Variants in UBQLN1 observed in about 807,000 individuals in gnomAD.
UBQLN1 encodes the protein ubiquilin-1.
UBQLN1 carries 13 observed loss-of-function variants against 65.4 expected under a neutral mutation model. That is an observed-to-expected ratio of 0.20 (90% CI 0.13 to 0.32). The LOEUF (loss-of-function observed/expected upper bound fraction) is 0.32. UBQLN1 is among the 10% of genes least tolerant of loss of function. The pLI, the probability that UBQLN1 is intolerant of heterozygous loss-of-function variation, is 1.00. For synonymous variants in UBQLN1, 267 were observed against 247.8 expected (o/e 1.08, Z -0.73); for missense variants, 561 against 724.0 (o/e 0.77, Z 2.58).
intron 10 of UBQLN1, among the ~76,000 whole-genome samples, chr9:83,662,832 G>T (rs1468289247): frequency 2.0e-5 from 3 of 152,212 alleles, no homozygotes; most frequent in East Asian, 1.9e-4. Context: ...CCAGCACTTT[G>T]GGAGGCCAAG....
intron 1 of UBQLN1, among the ~76,000 whole-genome samples, chr9:83,698,720 C>T (rs1832262333): frequency 6.6e-6 from 1 of 152,038 alleles, no homozygotes; most frequent in East Asian, 1.9e-4. Flanking sequence ...TTGAGACCAA[C>T]CTGGGCAACA....
chr9:83,701,620 G>C (rs1299603903), intron 1 of UBQLN1, among the ~76,000 whole-genome samples: 2 of 152,086 alleles, frequency 1.3e-5, no homozygotes, highest in African/African-American at 4.8e-5. Flanking sequence ...ATCACAGTAA[G>C]ATACCATTTC....
chr9:83,666,517 T>G (rs983223479), intron 7 of UBQLN1, 84 bp from the exon 8 acceptor site: 1 of 1,348,418 alleles, frequency 7.4e-7, no homozygotes, highest in African/African-American at 1.4e-5. Flanking sequence ...TTCCCCCAAG[T>G]GCCTCAGCTG....
rs558922870 is a variant in UBQLN1, at chr9:83,668,911, G to A, written c.1248+274C>T. Reference sequence around the variant, plus strand: ...AAAAGAGTGGGCATTCCAGAACTCTGTACTTGTCTCCTAACTCAACATATG... The same window carrying A: ...AAAAGAGTGGGCATTCCAGAACTCTATACTTGTCTCCTAACTCAACATATG... On this transcript the variant is annotated intron_variant, in intron 7 of 10. Transcript: ENST00000376395. The A allele has an allele frequency of 3.4e-5, 12 of 348,408 alleles. No individual in the cohort carries two copies. The East Asian group carries it at 7.7e-4, about 22-fold the overall frequency. 21.6% of individuals were successfully genotyped at this position (348,408 alleles called of 1,614,324 possible).
Position 83,669,417 on chromosome 9 carries a change from T to G in UBQLN1, c.1106-90A>C, listed in dbSNP as rs17086544. The stretch of plus-strand genomic sequence containing the variant: ...AAATATAATATGCACTGTGTTTAAT[T>G]TCACCAAGTACAAATGATTATACAT... On this transcript the variant is annotated intron_variant, in intron 6 of 10. Coordinates refer to ENST00000376395, the MANE Select transcript of UBQLN1 (RefSeq NM_013438.5). 0.017 allele frequency: 21,082 copies of G among 1,216,644 alleles called. 2,554 individuals carry two copies. The African/African-American group carries it at 0.28, about 16-fold the overall frequency. The allele number at this position is 1,216,644 out of a possible 1,614,324, so 75.4% of individuals were successfully genotyped here. A position where few individuals can be genotyped will look rare whatever the true frequency, so the allele number is the denominator to read the frequency against.
At position 83,661,740 on chromosome 9, in the gene UBQLN1, G is replaced by A. The variant is rs775754112; in HGVS notation, c.*47C>T. The A allele has an allele frequency of 6.4e-7, 1 of 1,553,608 alleles. No individual in the cohort carries two copies. Among genetic ancestry groups the A allele is most frequent in the Non-Finnish European group, 8.7e-7 (1 of 1,147,730 alleles). On this transcript the variant is annotated 3_prime_UTR_variant, in exon 11 of 11. Transcript: ENST00000376395. ...AAAGCAGGTATTTTAAAGTTTAAGAGCCGTTATCAAAAATAAATTACATTT... is the reference window on the plus strand; with the variant it reads ...AAAGCAGGTATTTTAAAGTTTAAGAACCGTTATCAAAAATAAATTACATTT...
At chr9:83,683,483 A>G (rs1831984953) in intron 2 of UBQLN1, among the ~76,000 whole-genome samples, 1 of 151,918 alleles carries the variant, frequency 6.6e-6, no homozygotes, top group Non-Finnish European at 1.5e-5. Flanking sequence ...AAACTCTCAG[A>G]CCAAATCAAA....
intron 1 of UBQLN1, among the ~76,000 whole-genome samples, chr9:83,694,863 G>T (rs999426187): frequency 1.3e-5 from 2 of 152,186 alleles, no homozygotes; most frequent in East Asian, 3.8e-4. Flanking sequence ...TGTTAAAAAT[G>T]TAGCCAGTGA....
intron 3 of UBQLN1, 83 bp from the exon 4 acceptor site, chr9:83,680,120 A>C: frequency 7.2e-7 from 1 of 1,391,610 alleles, no homozygotes; most frequent in South Asian, 1.4e-5. Flanking sequence ...AGATGCAAAA[A>C]AGTATTAGCT....
chr9:83,684,975 G>A (rs773949239), intron 2 of UBQLN1, among the ~76,000 whole-genome samples: 1 of 152,034 alleles, frequency 6.6e-6, no homozygotes, highest in African/African-American at 2.4e-5. Context: ...ATTGCTGACA[G>A]CCAGGCATCA....
At position 83,677,780 on chromosome 9, in the gene UBQLN1, C is replaced by T; in HGVS notation, c.1052G>A (p.Ser351Asn). 1 of 1,614,216 alleles carries T rather than the reference C, an allele frequency of 6.2e-7. No homozygotes were observed. Among genetic ancestry groups the T allele is most frequent in the Non-Finnish European group, 8.5e-7 (1 of 1,180,040 alleles). The change falls in exon 6 of 11, where the codon AGT becomes AAT. Residue 351 changes from serine (S) to asparagine (N), a missense_variant. Coordinates refer to ENST00000376395, the MANE Select transcript of UBQLN1 (RefSeq NM_013438.5). ...TVGGTTGSTASGTSGQSTTAP... is the reference protein window; with the variant it reads ...TVGGTTGSTANGTSGQSTTAP... Reference sequence around the variant, plus strand: ...AGTAGTACTCTGCCCAGAAGTGCCACTGGCAGTACTACCAGTAGTGCCACC... The same window carrying T: ...AGTAGTACTCTGCCCAGAAGTGCCATTGGCAGTACTACCAGTAGTGCCACC...
At chr9:83,683,138 C>A in intron 2 of UBQLN1, 72 bp from the exon 3 acceptor site, 1 of 1,039,684 alleles carries the variant, frequency 9.6e-7, no homozygotes, top group South Asian at 1.4e-5. Context: ...AAAGGCCAGG[C>A]ACAGTGGCTC....
At chr9:83,689,392 GAC>G (rs1832090852) in intron 1 of UBQLN1, among the ~76,000 whole-genome samples, 1 of 152,140 alleles carries the variant, frequency 6.6e-6, no homozygotes, top group Non-Finnish European at 1.5e-5. Flanking sequence ...CAGAGAAACT[GAC>G]AGACTAAATG....
In UBQLN1 at chr9:83,677,933, A is replaced by C; in HGVS notation, c.899T>G (p.Val300Gly). 1 of 1,613,684 alleles carries C rather than the reference A, an allele frequency of 6.2e-7. No individual in the cohort carries two copies. The highest frequency in any genetic ancestry group is 1.1e-5 in the South Asian group (1 of 91,034). Residue 300 changes from valine (V) to glycine (G), a missense_variant, in exon 6 of 11, where the codon GTG (valine) becomes GGG (glycine). Around this residue, in one of 8 missense-constraint regions of UBQLN1, gnomAD observed 75 missense variants for 138.9 expected, o/e 0.54. Coordinates refer to ENST00000376395, the MANE Select transcript of UBQLN1 (RefSeq NM_013438.5). ...ACCTTCACCAGAGGATGTATTGCTC[A>C]CCAAGGAAGCAAATGGATTACCACC... ...QFGGNPFASL[V>G]SNTSSGEGSQ...
chr9:83,668,172 C>A (rs917688874), intron 7 of UBQLN1: 4 of 985,198 alleles, frequency 4.1e-6, no homozygotes, highest in Non-Finnish European at 4.8e-6. Flanking sequence ...ATCACAGACA[C>A]AAAAATTCTT....
rs1196810743 is a variant in UBQLN1 at position 83,707,887 on chromosome 9, C to T, written c.-208G>A. 4.7e-6 allele frequency: 3 copies of T among 636,084 alleles called. No individual in the cohort carries two copies. The highest frequency in any genetic ancestry group is 7.4e-6 in the Non-Finnish European group (3 of 405,914). The allele number at this position is 636,084 out of a possible 1,614,324, so 39.4% of individuals were successfully genotyped here. A position where few individuals can be genotyped will look rare whatever the true frequency, so the allele number is the denominator to read the frequency against. ...CTGGCGCAGGCCCGGGTCAGGCGCTCGGCAGCCGCCGTGTGTTCAGGCGCC... is the reference window on the plus strand; with the variant it reads ...CTGGCGCAGGCCCGGGTCAGGCGCTTGGCAGCCGCCGTGTGTTCAGGCGCC... On this transcript the variant is annotated 5_prime_UTR_variant, in exon 1 of 11. Coordinates refer to ENST00000376395, the MANE Select transcript of UBQLN1 (RefSeq NM_013438.5).
At chr9:83,663,437 T>A (rs1831594619) in intron 10 of UBQLN1, among the ~76,000 whole-genome samples, 1 of 152,144 alleles carries the variant, frequency 6.6e-6, no homozygotes, top group Non-Finnish European at 1.5e-5. Flanking sequence ...GGAGGTGGTG[T>A]CATGGGTGGA....
intron 7 of UBQLN1, chr9:83,667,778 C>T: frequency 1.0e-6 from 1 of 973,702 alleles, no homozygotes; most frequent in Non-Finnish European, 1.2e-6. Flanking sequence ...TTTTTACACT[C>T]AAGAGTCTTT....
Position 83,707,808 on chromosome 9 carries a change from A to G in UBQLN1, c.-129T>C. 1 of 1,340,436 alleles carries G rather than the reference A, an allele frequency of 7.5e-7. No individual in the cohort carries two copies. Among genetic ancestry groups the G allele is most frequent in the Non-Finnish European group, 9.7e-7 (1 of 1,031,096 alleles). 83.0% of individuals were successfully genotyped at this position (1,340,436 alleles called of 1,614,324 possible). A position where few individuals can be genotyped will look rare whatever the true frequency, so the allele number is the denominator to read the frequency against. On this transcript the variant is annotated 5_prime_UTR_variant, in exon 1 of 11. Transcript: ENST00000376395. ...ATGCAGAGCACGCCGCCTCAGTAGC[A>G]ACGGGCGCAGGGCCACCGTAGCGGG...
Sources: allele counts gnomAD v4.1 joint callset (sites outside exome capture counted in the v4.1 genomes callset), GRCh38; gene constraint gnomAD v4.1.1; regional missense constraint gnomAD v4.1.1; transcripts MANE v1.5; gene names NCBI Gene and HGNC (gene_info 2026-07-23, HGNC 2026-07-21).